The following TTC39C variants were observed in gnomAD, a reference collection of about 807,000 sequenced individuals.
TTC39C encodes the protein tetratricopeptide repeat domain 39C, also known as tetratricopeptide repeat protein 39C.
In TTC39C, 33 loss-of-function variants were observed where a neutral mutation model predicts 76.3. That is an observed-to-expected ratio of 0.43 (90% CI 0.33 to 0.58). The LOEUF (loss-of-function observed/expected upper bound fraction) is 0.58. TTC39C is among the 20% of genes least tolerant of loss of function. The probability of loss-of-function intolerance (pLI) is 0.04; values close to 1 mark genes in which losing one functional copy is unlikely to be tolerated. For missense variants in TTC39C, 595 were observed against 701.4 expected (o/e 0.85, Z 1.71); for synonymous variants, 254 against 260.6 (o/e 0.97, Z 0.24).
intron 1 of TTC39C, among the ~76,000 whole-genome samples, chr18:24,018,815 G>A (rs1418823551): frequency 6.6e-6 from 1 of 152,164 alleles, no homozygotes; most frequent in Non-Finnish European, 1.5e-5. Flanking sequence ...ATTGGGAAAA[G>A]AGTGGTCAGA....
intron 1 of TTC39C, among the ~76,000 whole-genome samples, chr18:24,005,067 G>A (rs1274392717): frequency 3.9e-5 from 6 of 152,178 alleles, no homozygotes; most frequent in Admixed American, 6.5e-5. Context: ...ATTCATAAGC[G>A]TGTGTGTGAA....
intron 7 of TTC39C, among the ~76,000 whole-genome samples, chr18:24,116,312 AGGGGCAGATC>A (rs1240794668): frequency 6.6e-6 from 1 of 152,198 alleles, no homozygotes; most frequent in Non-Finnish European, 1.5e-5. Flanking sequence ...GGAGGCTGAG[AGGGGCAGATC>A]GCCTAAAGCC....
rs1208293767 is a variant in TTC39C at position 24,118,224 on chromosome 18, T to C, written c.1178T>C (p.Leu393Ser). 1 of 1,612,818 alleles carries C rather than the reference T, an allele frequency of 6.2e-7. No homozygotes were observed. The highest frequency in any genetic ancestry group is 2.2e-5 in the East Asian group (1 of 44,818). The change falls in exon 8 of 14, where the codon TTG becomes TCG. Residue 393 changes from leucine (L) to serine (S), a missense_variant. By Grantham distance (145) the Leu-to-Ser change is moderately radical (BLOSUM62 -2). Transcript: ENST00000317571. Reference sequence around the variant, plus strand: ...TGGTCCCAGTGCTATTATGCCTACTTGACTGCAGGTGAGTCGCCCATGGTC... The same window carrying C: ...TGGTCCCAGTGCTATTATGCCTACTCGACTGCAGGTGAGTCGCCCATGGTC... ...SRWSQCYYAY[L>S]TAVCQGATGD...
chr18:24,085,641 C>A (rs2084429626), intron 6 of TTC39C, among the ~76,000 whole-genome samples: 2 of 152,188 alleles, frequency 1.3e-5, no homozygotes, highest in East Asian at 1.9e-4. Context: ...CACATTATAG[C>A]TCTTAGTAGA....
rs575886977 is a variant in TTC39C at position 23,993,408 on chromosome 18, C to T, written c.-17+370C>T. Reference sequence around the variant, plus strand: ...AATATCTACAATAACAAAATGTCCACACACAGATGCTCAATAAATGCCATA... The same window carrying T: ...AATATCTACAATAACAAAATGTCCATACACAGATGCTCAATAAATGCCATA... On this transcript the variant is annotated intron_variant, in intron 1 of 13. Coordinates refer to the TTC39C transcript ENST00000304621. 5.8e-4 allele frequency among the ~76,000 whole-genome samples: 88 copies of T among 152,314 alleles called. No homozygotes were observed. In the South Asian group the frequency reaches 0.014, roughly 25 times the overall value.
rs764880209 is a variant in TTC39C, at chr18:24,128,895, A to G, written c.1430A>G (p.Glu477Gly). Residue 477 changes from glutamate (E) to glycine (G), a missense_variant, in exon 11 of 14, where the codon GAA (glutamate) becomes GGA (glycine). By Grantham distance (98) the Glu-to-Gly change is moderately conservative. Transcript: ENST00000317571. The stretch of plus-strand genomic sequence containing the variant: ...TCCCCTTCTTTTTAAGCTTGCCATG[A>G]AGTGGATGACTCATCTGTTGTTGGA... ...NLQRMSQACH[E>G]VDDSSVVGLK... 16 of 1,613,136 alleles carry G rather than the reference A, an allele frequency of 9.9e-6. No individual in the cohort carries two copies. In the South Asian group the frequency reaches 1.8e-4, roughly 18 times the overall value.
intron 1 of TTC39C, among the ~76,000 whole-genome samples, chr18:24,047,531 AT>A (rs1273948347): frequency 6.6e-6 from 1 of 152,100 alleles, no homozygotes; most frequent in African/African-American, 2.4e-5. Flanking sequence ...TTCTTAGACT[AT>A]TGTATAGTGT....
rs1289060758 is a variant in TTC39C, at chr18:24,123,866, G to C, written c.1219G>C (p.Ala407Pro). 6.2e-7 allele frequency: 1 copy of C among 1,612,232 alleles called. No individual in the cohort carries two copies. Among genetic ancestry groups the C allele is most frequent in the South Asian group, 1.1e-5 (1 of 90,940 alleles). ...GGGAGCCACTGGTGATGTGGATGGG[G>C]CACAGATTGTCTTTAAAGAAGTTCA... ...CQGATGDVDG[A>P]QIVFKEVQKL... Residue 407 changes from alanine to proline, a missense_variant, in exon 9 of 14, where the codon GCA (alanine) becomes CCA (proline). Coordinates refer to ENST00000317571, the MANE Select transcript of TTC39C (RefSeq NM_001135993.2).
chr18:24,015,940 A>T (rs575173510), intron 1 of TTC39C, among the ~76,000 whole-genome samples: 1 of 152,302 alleles, frequency 6.6e-6, no homozygotes, highest in Non-Finnish European at 1.5e-5. Flanking sequence ...GACGAGCCTT[A>T]AGGACGTTGA....
At chr18:23,995,146 G>T (rs558337584) in intron 1 of TTC39C, among the ~76,000 whole-genome samples, 1 of 152,012 alleles carries the variant, frequency 6.6e-6, no homozygotes, top group Non-Finnish European at 1.5e-5. Context: ...CACTAATCCC[G>T]ATAATTTTGT....
intron 4 of TTC39C, among the ~76,000 whole-genome samples, chr18:24,070,350 T>C (rs368377846): frequency 2.0e-4 from 31 of 152,330 alleles, no homozygotes; most frequent in Non-Finnish European, 3.8e-4. Context: ...ACCTTACTTA[T>C]ATGGTCAAGA....
chr18:24,019,642 A>G (rs529817197), intron 1 of TTC39C, among the ~76,000 whole-genome samples: 1 of 152,372 alleles, frequency 6.6e-6, no homozygotes, highest in African/African-American at 2.4e-5. Context: ...GTGTTACCAT[A>G]CAGATGGTTC....
intron 6 of TTC39C, among the ~76,000 whole-genome samples, chr18:24,106,464 T>C (rs2084746387): frequency 6.6e-6 from 1 of 152,142 alleles, no homozygotes; most frequent in Admixed American, 6.5e-5. Context: ...GTGGGAGGAC[T>C]GTGCGACCTG....
chr18:24,022,804 C>T (rs2083533087), intron 1 of TTC39C: 8 of 985,408 alleles, frequency 8.1e-6, no homozygotes, highest in Middle Eastern at 5.2e-4. Context: ...GCCCTTGTCC[C>T]TTCCATGCTA....
chr18:24,125,116 T>G (rs972015735), intron 9 of TTC39C, among the ~76,000 whole-genome samples: 3 of 152,364 alleles, frequency 2.0e-5, no homozygotes, highest in African/African-American at 7.2e-5. Context: ...GGTCTCAAAC[T>G]CCTGACCTCA....
At chr18:24,047,514 G>T (rs189003793) in intron 1 of TTC39C, among the ~76,000 whole-genome samples, 41 of 152,200 alleles carry the variant, frequency 2.7e-4, no homozygotes, top group African/African-American at 9.4e-4. Flanking sequence ...AAAATCATAA[G>T]ATGTCATTCT....
chr18:24,106,640 G>A (rs1265234581), intron 6 of TTC39C, among the ~76,000 whole-genome samples: 1 of 152,156 alleles, frequency 6.6e-6, no homozygotes, highest in African/African-American at 2.4e-5. Flanking sequence ...GGGATGAGGG[G>A]ATGAGTACAC....
intron 6 of TTC39C, among the ~76,000 whole-genome samples, chr18:24,104,229 G>C (rs1333468595): frequency 6.6e-6 from 1 of 152,110 alleles, no homozygotes; most frequent in African/African-American, 2.4e-5. Flanking sequence ...ACCGCACCTA[G>C]CCCCAAATCC....
chr18:24,119,766 G>A (rs2084941117), intron 8 of TTC39C, among the ~76,000 whole-genome samples: 1 of 152,230 alleles, frequency 6.6e-6, no homozygotes, highest in South Asian at 2.1e-4. Context: ...TTTGTTGAGT[G>A]ACTCAGTGTG....
Sources: allele counts gnomAD v4.1 joint callset (sites outside exome capture counted in the v4.1 genomes callset), GRCh38; gene constraint gnomAD v4.1.1; transcripts MANE v1.5; gene names NCBI Gene and HGNC (gene_info 2026-07-23, HGNC 2026-07-21).